MINDY4: variants seen among roughly 807,000 people sequenced by gnomAD.
MINDY4 encodes probable ubiquitin carboxyl-terminal hydrolase MINDY-4.
MINDY4 carries 68 observed loss-of-function variants against 87.0 expected under a neutral mutation model. The ratio of observed to expected loss-of-function variants is 0.78; its 90% CI spans 0.64 to 0.96. The LOEUF is 0.96. MINDY4 is among the 40% of genes least tolerant of loss of function. The probability of loss-of-function intolerance (pLI) is 0.00; values close to 1 mark genes in which losing one functional copy is unlikely to be tolerated. For missense variants in MINDY4, 919 were observed against 928.2 expected (o/e 0.99, Z 0.13); for synonymous variants, 379 against 363.2 (o/e 1.04, Z -0.50).
chr7:30,785,671 T>C (rs1044041129), intron 3 of MINDY4, 78 bp from the exon 4 acceptor site: 9 of 1,539,308 alleles, frequency 5.8e-6, no homozygotes, highest in African/African-American at 4.1e-5. Flanking sequence ...TGAATGCACA[T>C]TGAATGTGGA....
chr7:30,889,758 TCACTTCAAAA>T (rs1377293605), intron 17 of MINDY4, among the ~76,000 whole-genome samples: 1 of 152,218 alleles, frequency 6.6e-6, no homozygotes, highest in Non-Finnish European at 1.5e-5. Context: ...GCTGGCATTT[TCACTTCAAAA>T]CGATTGATGA....
intron 5 of MINDY4, among the ~76,000 whole-genome samples, chr7:30,820,642 G>C (rs951796704): frequency 6.6e-6 from 1 of 152,106 alleles, no homozygotes; most frequent in Non-Finnish European, 1.5e-5. Context: ...TGTTTTTGAG[G>C]TTCATCCATA....
At chr7:30,839,110 A>C (rs1788956312) in intron 7 of MINDY4, 90 bp from the exon 8 acceptor site, 2 of 801,342 alleles carry the variant, frequency 2.5e-6, no homozygotes, top group Non-Finnish European at 3.9e-6. Context: ...GCTAGAATTC[A>C]AGAACAACTT....
chr7:30,810,474 G>A (rs1306297989), intron 5 of MINDY4, among the ~76,000 whole-genome samples: 3 of 151,966 alleles, frequency 2.0e-5, no homozygotes, highest in Non-Finnish European at 4.4e-5. Flanking sequence ...TTTTTTTGAA[G>A]GTTTAAGCAA....
chr7:30,808,478 C>T (rs1562537743), intron 5 of MINDY4, among the ~76,000 whole-genome samples: 3 of 151,986 alleles, frequency 2.0e-5, no homozygotes, highest in Admixed American at 6.6e-5. Flanking sequence ...CCTTTTTACT[C>T]GTTCTTTGTT....
chr7:30,809,662 A>G (rs1416349480), intron 5 of MINDY4, among the ~76,000 whole-genome samples: 1 of 152,220 alleles, frequency 6.6e-6, no homozygotes, highest in Non-Finnish European at 1.5e-5. Context: ...AACAAAAGTA[A>G]AGTTTGCTAA....
At position 30,891,995 on chromosome 7, in the gene MINDY4, C is replaced by CA; in HGVS notation, c.2264_2265insA (p.Ile756HisfsTer9). The CA allele has an allele frequency of 6.2e-7, 1 of 1,614,156 alleles. No homozygotes were observed. The highest frequency in any genetic ancestry group is 1.1e-5 in the South Asian group (1 of 91,082). ...TCAGTGAACTGGAACGGCTCAGACCCCATCCTGTGACCGTTGGATGTGGGT... is the reference window on the plus strand; with the variant it reads ...TCAGTGAACTGGAACGGCTCAGACCCACATCCTGTGACCGTTGGATGTGGGT... On this transcript the variant is annotated frameshift_variant, in exon 18 of 18. Transcript: ENST00000265299. LOFTEE classifies it high-confidence loss of function.
intron 4 of MINDY4, among the ~76,000 whole-genome samples, chr7:30,788,170 C>G (rs555150595): frequency 3.9e-5 from 6 of 152,182 alleles, no homozygotes; most frequent in African/African-American, 1.4e-4. Flanking sequence ...TGAAGAAAAT[C>G]TAGCCTCACA....
At chr7:30,837,752 G>A (rs1056752806) in intron 7 of MINDY4, among the ~76,000 whole-genome samples, 24 of 152,188 alleles carry the variant, frequency 1.6e-4, no homozygotes, top group Admixed American at 4.6e-4. Flanking sequence ...GAAAAAGTGA[G>A]GCCTGCAGAG....
chr7:30,808,513 G>A lies in MINDY4; in HGVS notation c.1073+16939G>A, dbSNP rs148640046. Reference sequence around the variant, plus strand: ...TTTGTGTTGTGCATGTGGTGTGAGCGTGGTGTTTTGTCTTGAAGAAGCATG... The same window carrying A: ...TTTGTGTTGTGCATGTGGTGTGAGCATGGTGTTTTGTCTTGAAGAAGCATG... On this transcript the variant is annotated intron_variant, in intron 5 of 17. Coordinates refer to ENST00000265299, the MANE Select transcript of MINDY4 (RefSeq NM_032222.3). Among the ~76,000 whole-genome samples the A allele has an allele frequency of 7.9e-5, 12 of 152,162 alleles. No homozygotes were observed. In the East Asian group the frequency reaches 9.7e-4, roughly 12 times the overall value.
chr7:30,823,049 A>G (rs1392614857), intron 5 of MINDY4, among the ~76,000 whole-genome samples: 1 of 152,104 alleles, frequency 6.6e-6, no homozygotes, highest in Non-Finnish European at 1.5e-5. Context: ...TTAGGTTTAC[A>G]TTAAGCATTT....
Position 30,791,455 on chromosome 7 carries a change from C to T in MINDY4, c.954C>T (p.Gly318=). Residue 318 remains glycine, a synonymous_variant, in exon 5 of 18, where the codon GGC becomes GGT. Transcript: ENST00000265299. ...CCGAGGACACCCCAGCAGTGGACGG[C>T]AGCACAGACACGGACAGGATGCCCT... ...DPSEDTPAVD[G]STDTDRMPLK... 1.2e-6 allele frequency: 2 copies of T among 1,614,110 alleles called. No individual in the cohort carries two copies. The highest frequency in any genetic ancestry group is 8.5e-7 in the Non-Finnish European group (1 of 1,180,018).
intron 13 of MINDY4, among the ~76,000 whole-genome samples, chr7:30,869,222 T>C (rs1474289681): frequency 6.6e-6 from 1 of 152,160 alleles, no homozygotes; most frequent in Non-Finnish European, 1.5e-5. Flanking sequence ...CAGTCTTTGG[T>C]AAGGGACAGT....
Position 30,836,744 on chromosome 7 carries a change from A to ATTGACCTC in MINDY4, c.1221_1228dup (p.Ser410LeufsTer5). 6.2e-7 allele frequency: 1 copy of ATTGACCTC among 1,614,098 alleles called. No homozygotes were observed. Among genetic ancestry groups the ATTGACCTC allele is most frequent in the Non-Finnish European group, 8.5e-7 (1 of 1,179,936 alleles). On this transcript the variant is annotated frameshift_variant, in exon 7 of 18. Transcript: ENST00000265299. LOFTEE classifies it high-confidence loss of function. Reference sequence around the variant, plus strand: ...CAAGTTGCAGACAGCATCAAAACCAATTGACCTCTCAGTAGCAAAGGTAAG... The same window carrying ATTGACCTC: ...CAAGTTGCAGACAGCATCAAAACCAATTGACCTCTTGACCTCTCAGTAGCAAAGGTAAG...
At chr7:30,878,089 C>T (rs1315027875) in intron 15 of MINDY4, among the ~76,000 whole-genome samples, 1 of 152,000 alleles carries the variant, frequency 6.6e-6, no homozygotes, top group East Asian at 1.9e-4. Context: ...GTCCAGCACC[C>T]AAGCCTGGAC....
chr7:30,820,210 TA>T (rs1788286653), intron 5 of MINDY4, among the ~76,000 whole-genome samples: 2 of 152,188 alleles, frequency 1.3e-5, no homozygotes, highest in South Asian at 4.1e-4. Flanking sequence ...CAATAATTTT[TA>T]AAAGTAAAAT....
intron 12 of MINDY4, among the ~76,000 whole-genome samples, chr7:30,854,614 G>C (rs924873253): frequency 6.6e-6 from 1 of 152,118 alleles, no homozygotes; most frequent in Non-Finnish European, 1.5e-5. Context: ...CATTCTTTTT[G>C]GCCCCACAGA....
rs182869728 is a variant in MINDY4 at position 30,830,139 on chromosome 7, T to C, written c.1132+1402T>C. ...AATTTGGTTAGAGGAACAACACTCC[T>C]CCTCCACCCCAGTTCATTTTACTTT... On this transcript the variant is annotated intron_variant, in intron 6 of 17. Transcript: ENST00000265299. Among the ~76,000 whole-genome samples, 276 of 152,268 alleles carry C rather than the reference T, an allele frequency of 1.8e-3. 5 individuals carry two copies. Among genetic ancestry groups the C allele is most frequent in the Non-Finnish European group, 4.6e-4 (31 of 68,026 alleles).
At chr7:30,838,924 G>A (rs1391166903) in intron 7 of MINDY4, among the ~76,000 whole-genome samples, 3 of 152,160 alleles carry the variant, frequency 2.0e-5, no homozygotes, top group Non-Finnish European at 2.9e-5. Flanking sequence ...GTTTCTCAAG[G>A]CCCCTGTAAG....
Sources: allele counts gnomAD v4.1 joint callset (sites outside exome capture counted in the v4.1 genomes callset), GRCh38; gene constraint gnomAD v4.1.1; transcripts MANE v1.5; gene names NCBI Gene and HGNC (gene_info 2026-07-23, HGNC 2026-07-21).